SCUBE2: variants seen among roughly 807,000 people sequenced by gnomAD.
SCUBE2 encodes the protein signal peptide, CUB domain and EGF like domain containing 2.
Under a neutral mutation model 125.9 loss-of-function variants are expected in SCUBE2, and 114 were observed. The ratio of observed to expected loss-of-function variants is 0.91; its 90% CI spans 0.78 to 1.06. SCUBE2 has a LOEUF of 1.06. SCUBE2 is among the 50% of genes least tolerant of loss of function. The pLI, the probability that SCUBE2 is intolerant of heterozygous loss-of-function variation, is 0.00. For missense variants in SCUBE2, 1,255 were observed against 1,301.8 expected (o/e 0.96, Z 0.55); for synonymous variants, 459 against 492.9 (o/e 0.93, Z 0.91).
At chr11:9,022,011 A>T in intron 21 of SCUBE2, 56 bp from the exon 22 acceptor site, 1 of 1,290,442 alleles carries the variant, frequency 7.7e-7, no homozygotes, top group Non-Finnish European at 1.1e-6. Context: ...TTCCAAACTC[A>T]CTCTTTCACT....
intron 4 of SCUBE2, among the ~76,000 whole-genome samples, chr11:9,074,013 A>C (rs1255885276): frequency 6.6e-6 from 1 of 152,082 alleles, no homozygotes; most frequent in Non-Finnish European, 1.5e-5. Context: ...AATGCAAAAC[A>C]TGGAAGGGCC....
chr11:9,081,614 G>T (rs1247500731), intron 2 of SCUBE2, among the ~76,000 whole-genome samples: 1 of 151,860 alleles, frequency 6.6e-6, no homozygotes, highest in Non-Finnish European at 1.5e-5. Context: ...GAGACCAGGA[G>T]TTTGAGACTA....
At chr11:9,090,914 T>G (rs1362031712) in intron 1 of SCUBE2, among the ~76,000 whole-genome samples, 3 of 152,174 alleles carry the variant, frequency 2.0e-5, no homozygotes, top group Non-Finnish European at 2.9e-5. Flanking sequence ...AATTCCCAGA[T>G]CGGAACAGGC....
In SCUBE2 at chr11:9,065,967, A is replaced by G; in HGVS notation, c.774T>C (p.Thr258=). The change falls in exon 7 of 23, where the codon ACT becomes ACC. Residue 258 remains threonine, a synonymous_variant. Transcript: ENST00000649792. Reference sequence around the variant, plus strand: ...TGTTGCTCTCTGTCACCTCCAGGACAGTGTCCTCTCGCTCTACAAGAGAAG... The same window carrying G: ...TGTTGCTCTCTGTCACCTCCAGGACGGTGTCCTCTCGCTCTACAAGAGAAG... ...DGRSCLERED[T]VLEVTESNTT... The G allele has an allele frequency of 6.2e-7, 1 of 1,613,926 alleles. No individual in the cohort carries two copies. The highest frequency in any genetic ancestry group is 8.5e-7 in the Non-Finnish European group (1 of 1,179,780).
chr11:9,050,460 T>C (rs1252444904), intron 14 of SCUBE2, 146 bp downstream of exon 14: 2 of 657,206 alleles, frequency 3.0e-6, no homozygotes, highest in African/African-American at 1.8e-5. Context: ...GATGAGTCCC[T>C]GGAAGTTGGG....
rs1196355726 is a variant in SCUBE2 at position 9,060,329 on chromosome 11, C to T, written c.967+79G>A. 7 of 1,086,960 alleles carry T rather than the reference C, an allele frequency of 6.4e-6. 1 individual carries two copies. Among genetic ancestry groups the T allele is most frequent in the Non-Finnish European group, 9.8e-6 (7 of 713,238 alleles). The allele number at this position is 1,086,960 out of a possible 1,614,324, so 67.3% of individuals were successfully genotyped here. A position where few individuals can be genotyped will look rare whatever the true frequency, so the allele number is the denominator to read the frequency against. On this transcript the variant is annotated intron_variant, in intron 8 of 22. Coordinates refer to ENST00000649792, the MANE Select transcript of SCUBE2 (RefSeq NM_001367977.2). ...CACGTGGGGTATGGAGGGTATGTTG[C>T]CTTTATCCCCATATGTTAGCGGCAT...
At chr11:9,071,862 C>G (rs1860826910) in intron 4 of SCUBE2, among the ~76,000 whole-genome samples, 1 of 152,054 alleles carries the variant, frequency 6.6e-6, no homozygotes. Context: ...TCAGAACACA[C>G]AAAACAAAAG....
intron 16 of SCUBE2, among the ~76,000 whole-genome samples, chr11:9,045,189 G>A (rs566638004): frequency 2.6e-5 from 4 of 152,080 alleles, no homozygotes; most frequent in Non-Finnish European, 5.9e-5. Flanking sequence ...TTTATTGAAT[G>A]ACTATATAAA....
chr11:9,059,538 C>CACA, intron 8 of SCUBE2, 113 bp from the exon 9 acceptor site: 1 of 1,299,838 alleles, frequency 7.7e-7, no homozygotes, highest in Non-Finnish European at 1.0e-6. Context: ...GAAAAAGACT[C>CACA]ACAAAAGCAT....
In SCUBE2 at chr11:9,020,891, C is replaced by A. The variant is rs988975778; in HGVS notation, c.*154G>T. On this transcript the variant is annotated 3_prime_UTR_variant, in exon 23 of 23. Transcript: ENST00000649792. ...GGAAAGAAAAACCAAGTTCAATTTA[C>A]CAAAATATCTGTATTATCTATAAAA... is the stretch of plus-strand genomic sequence containing the variant. 3.2e-6 allele frequency: 2 copies of A among 622,130 alleles called. No individual in the cohort carries two copies. Among genetic ancestry groups the A allele is most frequent in the Non-Finnish European group, 5.2e-6 (2 of 384,406 alleles). The allele number at this position is 622,130 out of a possible 1,614,324, so 38.5% of individuals were successfully genotyped here. A position where few individuals can be genotyped will look rare whatever the true frequency, so the allele number is the denominator to read the frequency against.
chr11:9,068,519 C>A (rs1260803868), intron 5 of SCUBE2, among the ~76,000 whole-genome samples: 1 of 152,172 alleles, frequency 6.6e-6, no homozygotes, highest in Non-Finnish European at 1.5e-5. Context: ...CACATCAACA[C>A]ACAAGTCAAC....
chr11:9,025,711 T>A lies in SCUBE2; in HGVS notation c.2845A>T (p.Thr949Ser), dbSNP rs765732511. ...TGCAGGCTGTGCTTACCATCATATG[T>A]CACGTATGGGACCTGGAACCCTCTA... ...SARGFQVPYV[T>S]YDEDYQELIE... The change falls in exon 21 of 23, where the codon ACA (threonine) becomes TCA (serine). Residue 949 changes from threonine to serine, a missense_variant. Transcript: ENST00000649792. 1.2e-6 allele frequency: 2 copies of A among 1,614,166 alleles called. No individual in the cohort carries two copies. Among genetic ancestry groups the A allele is most frequent in the Non-Finnish European group, 8.5e-7 (1 of 1,180,030 alleles).
intron 21 of SCUBE2, among the ~76,000 whole-genome samples, chr11:9,024,880 T>C (rs1855593186): frequency 6.6e-6 from 1 of 152,210 alleles, no homozygotes; most frequent in Non-Finnish European, 1.5e-5. Context: ...TATAACAATA[T>C]ATATATTTTG....
intron 18 of SCUBE2, 57 bp downstream of exon 18, chr11:9,030,701 C>A: frequency 1.3e-6 from 2 of 1,551,320 alleles, no homozygotes; most frequent in Middle Eastern, 1.7e-4. Context: ...ACGAGACTCC[C>A]ATGATACTTA....
At chr11:9,084,122 A>C (rs1352030650) in intron 2 of SCUBE2, among the ~76,000 whole-genome samples, 1 of 152,160 alleles carries the variant, frequency 6.6e-6, no homozygotes, top group East Asian at 1.9e-4. Flanking sequence ...AGAAGCTATA[A>C]GATGATTCTA....
At chr11:9,081,862 T>A (rs551881727) in intron 2 of SCUBE2, among the ~76,000 whole-genome samples, 1 of 152,374 alleles carries the variant, frequency 6.6e-6, no homozygotes, top group South Asian at 2.1e-4. Context: ...GTGGAATTGC[T>A]GGGTCCTATG....
At chr11:9,021,843 T>C (rs768244262) in intron 22 of SCUBE2, 33 bp downstream of exon 22, 3 of 1,510,382 alleles carry the variant, frequency 2.0e-6, no homozygotes, top group Non-Finnish European at 2.8e-6. Flanking sequence ...GCTCTGTGGA[T>C]AACTGCCATG....
Position 9,055,885 on chromosome 11 carries a change from C to G in SCUBE2, c.1115G>C (p.Arg372Thr). 2 of 1,614,136 alleles carry G rather than the reference C, an allele frequency of 1.2e-6. No individual in the cohort carries two copies. Among genetic ancestry groups the G allele is most frequent in the East Asian group, 2.2e-5 (1 of 44,888 alleles). The change falls in exon 10 of 23, where the codon AGG becomes ACG. Residue 372 changes from arginine to threonine, a missense_variant. Physicochemically the swap from Arg to Thr is moderately conservative, Grantham distance 71 (BLOSUM62 -1). Around this residue, in one of 3 missense-constraint regions of SCUBE2, gnomAD observed 378 missense variants for 463.1 expected, o/e 0.82. Transcript: ENST00000649792. ...CQDVDECSLD[R>T]TCDHSCINHP... ...GTTGATGCAGCTGTGGTCACAGGTC[C>G]TATCCAAAGAGCACTCATCCACATC...
At position 9,025,700 on chromosome 11, in the gene SCUBE2, A is replaced by T. The variant is rs1178853333; in HGVS notation, c.2854+2T>A. 4 of 1,613,948 alleles carry T rather than the reference A, an allele frequency of 2.5e-6. No individual in the cohort carries two copies. Among genetic ancestry groups the T allele is most frequent in the Non-Finnish European group, 3.4e-6 (4 of 1,179,986 alleles). The stretch of plus-strand genomic sequence containing the variant: ...TTTCCATGTGCTGCAGGCTGTGCTT[A>T]CCATCATATGTCACGTATGGGACCT... On this transcript the variant is annotated splice_donor_variant, in intron 21 of 22. Coordinates refer to ENST00000649792, the MANE Select transcript of SCUBE2 (RefSeq NM_001367977.2). LOFTEE classifies it high-confidence loss of function.
Sources: gnomAD v4.1 joint callset for allele counts (sites outside exome capture counted in the v4.1 genomes callset) on GRCh38, gnomAD v4.1.1 for gene constraint, gnomAD v4.1.1 regional missense constraint, MANE v1.5 for transcripts, NCBI Gene and HGNC (gene_info 2026-07-23, HGNC 2026-07-21) for gene names.